The following SDC2 variants were observed in gnomAD, a reference collection of about 807,000 sequenced individuals.
SDC2 encodes syndecan 2.
In SDC2, 13 loss-of-function variants were observed where a neutral mutation model predicts 22.2. The ratio of observed to expected loss-of-function variants is 0.59; its 90% CI spans 0.38 to 0.93. The LOEUF (loss-of-function observed/expected upper bound fraction) is 0.93. Among genes scored for constraint, SDC2 ranks in the 40% least tolerant of loss-of-function variants. The probability of loss-of-function intolerance (pLI) is 0.00; values close to 1 mark genes in which losing one functional copy is unlikely to be tolerated. For synonymous variants in SDC2, 94 were observed against 92.8 expected, an observed-to-expected ratio of 1.01 and a Z score of -0.07; for missense variants, 235 against 246.8, an observed-to-expected ratio of 0.95 and a Z score of 0.32.
intron 1 of SDC2, among the ~76,000 whole-genome samples, chr8:96,564,392 T>G (rs1371031102): frequency 1.3e-5 from 2 of 152,166 alleles, no homozygotes; most frequent in Admixed American, 1.3e-4. Flanking sequence ...GTGATTTGAG[T>G]AGGGCATCTG....
chr8:96,608,610 A>G, intron 4 of SDC2, 140 bp downstream of exon 4: 1 of 700,896 alleles, frequency 1.4e-6, no homozygotes, highest in Non-Finnish European at 2.3e-6. Context: ...CCAGAGCGAG[A>G]AGCAAGAGGC....
chr8:96,502,003 C>T (rs1468447783), intron 1 of SDC2, among the ~76,000 whole-genome samples: 1 of 151,972 alleles, frequency 6.6e-6, no homozygotes, highest in East Asian at 1.9e-4. Flanking sequence ...GAGTGGTATA[C>T]ATTGTCCTGC....
chr8:96,596,107 C>A (rs1253480151), intron 2 of SDC2, among the ~76,000 whole-genome samples: 1 of 152,188 alleles, frequency 6.6e-6, no homozygotes, highest in Non-Finnish European at 1.5e-5. Flanking sequence ...GTTAGTATTT[C>A]GATGATTCCC....
intron 1 of SDC2, among the ~76,000 whole-genome samples, chr8:96,525,773 G>T (rs1293490673): frequency 6.6e-6 from 1 of 152,018 alleles, no homozygotes; most frequent in East Asian, 1.9e-4. Context: ...ATACTGCTTG[G>T]GTCTCAGTTT....
intron 3 of SDC2, 66 bp downstream of exon 3, chr8:96,602,594 A>G (rs1250805081): frequency 2.0e-6 from 3 of 1,491,870 alleles, no homozygotes; most frequent in African/African-American, 2.8e-5. Context: ...TACTGACTGT[A>G]CACAACAGTC....
At chr8:96,549,544 T>C (rs1258142192) in intron 1 of SDC2, among the ~76,000 whole-genome samples, 1 of 152,202 alleles carries the variant, frequency 6.6e-6, no homozygotes, top group African/African-American at 2.4e-5. Flanking sequence ...TGGCCCCTAA[T>C]AGGCTAACTG....
intron 1 of SDC2, among the ~76,000 whole-genome samples, chr8:96,557,551 C>T (rs1814137135): frequency 6.7e-6 from 1 of 149,064 alleles, no homozygotes; most frequent in Non-Finnish European, 1.5e-5. Flanking sequence ...CGCATATTCT[C>T]ACTCATAGGT....
intron 1 of SDC2, among the ~76,000 whole-genome samples, chr8:96,536,309 T>A (rs1813754002): frequency 6.6e-6 from 1 of 151,854 alleles, no homozygotes; most frequent in Non-Finnish European, 1.5e-5. Context: ...GAGTACCCTT[T>A]TATTTTATTT....
intron 1 of SDC2, among the ~76,000 whole-genome samples, chr8:96,530,319 T>G (rs1029857326): frequency 1.3e-5 from 2 of 152,174 alleles, no homozygotes; most frequent in Non-Finnish European, 2.9e-5. Context: ...AATCAGAATA[T>G]ACCACCACCT....
chr8:96,583,003 A>C (rs1406514716), intron 1 of SDC2, among the ~76,000 whole-genome samples: 3 of 151,288 alleles, frequency 2.0e-5, no homozygotes, highest in African/African-American at 7.3e-5. Context: ...CACAGGTGAA[A>C]TGGATCAGGA....
chr8:96,557,402 T>A (rs924170566), intron 1 of SDC2, among the ~76,000 whole-genome samples: 2 of 142,896 alleles, frequency 1.4e-5, no homozygotes, highest in African/African-American at 5.1e-5. Context: ...TAGACTGGAT[T>A]AAGAAAATGT....
chr8:96,597,579 C>A (rs779506270), intron 2 of SDC2, among the ~76,000 whole-genome samples: 5 of 152,086 alleles, frequency 3.3e-5, no homozygotes, highest in African/African-American at 1.2e-4. Flanking sequence ...CAGCCACTTA[C>A]AGGAAGAAAA....
At chr8:96,577,964 A>G (rs1814531875) in intron 1 of SDC2, among the ~76,000 whole-genome samples, 1 of 152,172 alleles carries the variant, frequency 6.6e-6, no homozygotes, top group Non-Finnish European at 1.5e-5. Context: ...GCTGTACTCT[A>G]GTTTGTCTAT....
At chr8:96,592,584 C>A (rs1283421662) in intron 1 of SDC2, among the ~76,000 whole-genome samples, 1 of 152,052 alleles carries the variant, frequency 6.6e-6, no homozygotes, top group Non-Finnish European at 1.5e-5. Context: ...AGTCTTATAC[C>A]TCTACTCTGT....
rs116948298 is a variant in SDC2 at position 96,555,330 on chromosome 8, C to T, written c.61-38150C>T. On this transcript the variant is annotated intron_variant, in intron 1 of 4. Coordinates refer to ENST00000302190, the MANE Select transcript of SDC2 (RefSeq NM_002998.4). ...TAGACCATTGGAATCAGCTGATCGT[C>T]TAGCACTTGGCTAGATTTGAACAAA... Among the ~76,000 whole-genome samples the T allele has an allele frequency of 1.9e-3, 284 of 152,260 alleles. 1 individual carries two copies. The highest frequency in any genetic ancestry group is 2.9e-3 in the Non-Finnish European group (200 of 68,012).
chr8:96,533,734 A>G (rs997303646), intron 1 of SDC2, among the ~76,000 whole-genome samples: 1 of 152,138 alleles, frequency 6.6e-6, no homozygotes, highest in African/African-American at 2.4e-5. Flanking sequence ...TTAGCTAGAC[A>G]TAAAGGTTCT....
intron 1 of SDC2, among the ~76,000 whole-genome samples, chr8:96,547,226 C>T (rs1348202568): frequency 6.6e-6 from 1 of 152,116 alleles, no homozygotes; most frequent in East Asian, 1.9e-4. Flanking sequence ...GAGTTGACAA[C>T]GTTTTGGTCA....
intron 2 of SDC2, among the ~76,000 whole-genome samples, chr8:96,596,473 C>T (rs535939106): frequency 6.6e-6 from 1 of 152,180 alleles, no homozygotes; most frequent in Non-Finnish European, 1.5e-5. Context: ...AAACATGAAA[C>T]CCTTCATAAG....
chr8:96,521,294 G>A (rs1175864635), intron 1 of SDC2, among the ~76,000 whole-genome samples: 2 of 152,212 alleles, frequency 1.3e-5, no homozygotes, highest in African/African-American at 4.8e-5. Flanking sequence ...CATTTTATTA[G>A]TGTGTAAGTC....
Sources: allele counts gnomAD v4.1 joint callset (sites outside exome capture counted in the v4.1 genomes callset), GRCh38; gene constraint gnomAD v4.1.1; transcripts MANE v1.5; gene names NCBI Gene and HGNC (gene_info 2026-07-23, HGNC 2026-07-21).